Variants in PTPRT observed in about 807,000 individuals in gnomAD.
PTPRT encodes protein tyrosine phosphatase receptor type T.
PTPRT carries 56 observed loss-of-function variants against 176.8 expected under a neutral mutation model. The observed-to-expected ratio is 0.32, with a 90% CI of 0.26 to 0.40. The LOEUF is 0.40. Among genes scored for constraint, PTPRT ranks in the 10% least tolerant of loss-of-function variants. PTPRT has a pLI of 1.00. For synonymous variants in PTPRT, 783 were observed against 739.0 expected, an observed-to-expected ratio of 1.06 and a Z score of -0.96; for missense variants, 1,540 against 1,908.2, an observed-to-expected ratio of 0.81 and a Z score of 3.60.
chr20:42,715,531 G>T (rs747825193), intron 6 of PTPRT, among the ~76,000 whole-genome samples: 1 of 152,162 alleles, frequency 6.6e-6, no homozygotes, highest in Non-Finnish European at 1.5e-5. Context: ...TTACTCTGGG[G>T]TTAGTAGCAG....
chr20:43,058,032 C>T (rs1191320249), intron 1 of PTPRT, among the ~76,000 whole-genome samples: 1 of 152,152 alleles, frequency 6.6e-6, no homozygotes, highest in Admixed American at 6.5e-5. Context: ...ATCACTCACG[C>T]TTTACAGAGG....
intron 9 of PTPRT, among the ~76,000 whole-genome samples, chr20:42,439,939 G>A (rs544368807): frequency 1.3e-5 from 2 of 152,030 alleles, no homozygotes; most frequent in East Asian, 1.9e-4. Flanking sequence ...AGACAGTCTC[G>A]CTCTGTTGCC....
At chr20:43,031,711 C>G (rs988215138) in intron 1 of PTPRT, among the ~76,000 whole-genome samples, 1 of 152,114 alleles carries the variant, frequency 6.6e-6, no homozygotes, top group Non-Finnish European at 1.5e-5. Context: ...TGGTATTTAT[C>G]TTCAAAAGGT....
intron 9 of PTPRT, among the ~76,000 whole-genome samples, chr20:42,364,079 T>C (rs6093631): frequency 0.74 from 112,699 of 151,912 alleles, 42,030 homozygotes; most frequent in East Asian, 0.97. Flanking sequence ...TCTGGAGAAT[T>C]AGGGGCGATC....
intron 3 of PTPRT, among the ~76,000 whole-genome samples, chr20:42,780,961 A>T (rs1476178324): frequency 2.6e-5 from 4 of 152,100 alleles, no homozygotes; most frequent in African/African-American, 9.7e-5. Flanking sequence ...CATGGCCAAC[A>T]TCCTTGAACT....
intron 11 of PTPRT, among the ~76,000 whole-genome samples, chr20:42,344,974 G>A (rs949732743): frequency 6.6e-6 from 1 of 151,884 alleles, no homozygotes; most frequent in Non-Finnish European, 1.5e-5. Flanking sequence ...CTCAATTTAA[G>A]CAACACTGCC....
At chr20:42,710,229 C>A (rs1047431259) in intron 6 of PTPRT, among the ~76,000 whole-genome samples, 1 of 152,188 alleles carries the variant, frequency 6.6e-6, no homozygotes, top group African/African-American at 2.4e-5. Context: ...GAGAGATTAG[C>A]ATGACTAAAA....
intron 12 of PTPRT, among the ~76,000 whole-genome samples, chr20:42,291,381 A>G (rs1183748227): frequency 1.3e-5 from 2 of 152,236 alleles, no homozygotes; most frequent in Admixed American, 1.3e-4. Flanking sequence ...ACAAACAAGT[A>G]TCTAATTAAA....
chr20:42,848,277 G>T (rs2145750388), intron 2 of PTPRT, among the ~76,000 whole-genome samples: 1 of 152,266 alleles, frequency 6.6e-6, no homozygotes, highest in South Asian at 2.1e-4. Context: ...ATTACAAATT[G>T]TGCTGCATGT....
intron 1 of PTPRT, among the ~76,000 whole-genome samples, chr20:42,929,571 A>G (rs979548035): frequency 1.3e-5 from 2 of 152,232 alleles, no homozygotes; most frequent in African/African-American, 4.8e-5. Flanking sequence ...AGAGACTTTC[A>G]AATTTATTTT....
intron 7 of PTPRT, among the ~76,000 whole-genome samples, chr20:42,495,855 C>A (rs1032955932): frequency 6.6e-6 from 1 of 152,058 alleles, no homozygotes; most frequent in African/African-American, 2.4e-5. Flanking sequence ...ATACAGTTGA[C>A]CCTTGTATAT....
At chr20:42,461,431 A>AGGTGG (rs2071017915) in intron 8 of PTPRT, among the ~76,000 whole-genome samples, 1 of 152,176 alleles carries the variant, frequency 6.6e-6, no homozygotes, top group Admixed American at 6.5e-5. Flanking sequence ...TAGCTACTGG[A>AGGTGG]GAGGGTGAGG....
chr20:42,830,278 A>C (rs559130274), intron 2 of PTPRT, among the ~76,000 whole-genome samples: 1 of 152,356 alleles, frequency 6.6e-6, no homozygotes, highest in East Asian at 1.9e-4. Context: ...CAAGGATGCA[A>C]GTGGTTGGTT....
intron 1 of PTPRT, among the ~76,000 whole-genome samples, chr20:42,903,033 G>C (rs1325221472): frequency 1.3e-5 from 2 of 152,208 alleles, no homozygotes; most frequent in African/African-American, 4.8e-5. Context: ...AACAGGGAGA[G>C]AAGTAAAGCA....
intron 1 of PTPRT, among the ~76,000 whole-genome samples, chr20:43,074,026 T>C (rs1422107346): frequency 6.6e-6 from 1 of 152,120 alleles, no homozygotes; most frequent in Non-Finnish European, 1.5e-5. Flanking sequence ...AGTGCTGGGA[T>C]TACAACTGTG....
intron 7 of PTPRT, among the ~76,000 whole-genome samples, chr20:42,596,924 T>C (rs2073681297): frequency 6.6e-6 from 1 of 152,216 alleles, no homozygotes; most frequent in Non-Finnish European, 1.5e-5. Flanking sequence ...CTACATTGTG[T>C]TTGTTTTCTA....
chr20:42,217,759 A>C (rs1380848200), intron 15 of PTPRT, among the ~76,000 whole-genome samples: 3 of 152,168 alleles, frequency 2.0e-5, no homozygotes, highest in East Asian at 1.9e-4. Flanking sequence ...GCATGTCAAT[A>C]AAAATGTCTC....
intron 13 of PTPRT, among the ~76,000 whole-genome samples, chr20:42,277,928 C>T (rs1186520255): frequency 6.6e-6 from 1 of 150,626 alleles, no homozygotes; most frequent in Non-Finnish European, 1.5e-5. Flanking sequence ...ATCCATCCAT[C>T]CATTTGTTCA....
intron 1 of PTPRT, among the ~76,000 whole-genome samples, chr20:43,177,674 A>G (rs1391520643): frequency 2.6e-5 from 4 of 152,242 alleles, no homozygotes; most frequent in Admixed American, 2.6e-4. Context: ...AGATTTACAC[A>G]AAGACATTTA....
Sources: gnomAD v4.1 joint callset for allele counts (sites outside exome capture counted in the v4.1 genomes callset) on GRCh38, gnomAD v4.1.1 for gene constraint, MANE v1.5 for transcripts, NCBI Gene and HGNC (gene_info 2026-07-23, HGNC 2026-07-21) for gene names.